Variants in SORCS3 observed in about 807,000 individuals in gnomAD.
SORCS3 encodes sortilin related VPS10 domain containing receptor 3, also known as VPS10 domain-containing receptor SorCS3.
A neutral mutation model predicts 146.3 loss-of-function variants in SORCS3; 57 were observed. The observed-to-expected ratio is 0.39, with a 90% confidence interval of 0.31 to 0.49. The LOEUF (loss-of-function observed/expected upper bound fraction) is 0.49, where lower values mean the gene tolerates loss of function less well. Among genes scored for constraint, SORCS3 ranks in the 20% least tolerant of loss-of-function variants. The pLI is 0.92. For missense variants in SORCS3, 1,341 were observed against 1,575.5 expected, an observed-to-expected ratio of 0.85 and a Z score of 2.52; for synonymous variants, 653 against 618.5, an observed-to-expected ratio of 1.06 and a Z score of -0.83.
intron 12 of SORCS3, 127 bp from the exon 13 acceptor site, chr10:105,167,131 A>G: frequency 1.5e-6 from 1 of 677,522 alleles, no homozygotes; most frequent in Non-Finnish European, 2.5e-6. Context: ...TGCAAAAACT[A>G]TCTGATAGTG....
At chr10:105,167,799 G>A (rs951656295) in intron 13 of SORCS3, among the ~76,000 whole-genome samples, 4 of 152,150 alleles carry the variant, frequency 2.6e-5, no homozygotes, top group African/African-American at 9.7e-5. Context: ...GAATGGTCTA[G>A]GCTGACACTT....
intron 7 of SORCS3, among the ~76,000 whole-genome samples, chr10:105,138,510 G>C (rs1589651436): frequency 6.6e-6 from 1 of 152,158 alleles, no homozygotes; most frequent in East Asian, 1.9e-4. Flanking sequence ...CAGCAGCCTG[G>C]TTGCTATTGT....
chr10:104,775,929 C>T (rs1186331342), intron 1 of SORCS3, among the ~76,000 whole-genome samples: 1 of 152,190 alleles, frequency 6.6e-6, no homozygotes, highest in Non-Finnish European at 1.5e-5. Context: ...GAACTTTTCC[C>T]TCCTGCCCAT....
At chr10:104,883,869 A>T (rs1035219973) in intron 2 of SORCS3, among the ~76,000 whole-genome samples, 1 of 152,228 alleles carries the variant, frequency 6.6e-6, no homozygotes, top group South Asian at 2.1e-4. Flanking sequence ...TTTGCTGTCA[A>T]ATCTGCTCAC....
At chr10:104,759,989 A>G (rs979208756) in intron 1 of SORCS3, among the ~76,000 whole-genome samples, 1 of 152,232 alleles carries the variant, frequency 6.6e-6, no homozygotes, top group African/African-American at 2.4e-5. Context: ...AGGGACAGCT[A>G]GAGATACGGG....
At chr10:105,026,775 A>T (rs1023943926) in intron 4 of SORCS3, among the ~76,000 whole-genome samples, 2 of 152,172 alleles carry the variant, frequency 1.3e-5, no homozygotes, top group African/African-American at 4.8e-5. Context: ...GGAGCTAAAC[A>T]TTGGGTACAC....
At chr10:104,860,728 A>T (rs1003298539) in intron 2 of SORCS3, among the ~76,000 whole-genome samples, 1 of 152,166 alleles carries the variant, frequency 6.6e-6, no homozygotes, top group African/African-American at 2.4e-5. Flanking sequence ...AAATAGGTAA[A>T]CACTGTTATC....
chr10:105,255,633 G>T (rs1352040102), intron 23 of SORCS3, 69 bp from the exon 24 acceptor site: 3 of 1,065,620 alleles, frequency 2.8e-6, no homozygotes, highest in Non-Finnish European at 4.3e-6. Flanking sequence ...CTTGTCCTTG[G>T]TTTCTTACCC....
chr10:104,771,997 A>G (rs2017254852), intron 1 of SORCS3, among the ~76,000 whole-genome samples: 1 of 152,074 alleles, frequency 6.6e-6, no homozygotes, highest in Non-Finnish European at 1.5e-5. Flanking sequence ...TCTCTGAGTT[A>G]GGAATGTGTA....
intron 1 of SORCS3, among the ~76,000 whole-genome samples, chr10:104,797,066 T>C (rs77283943): frequency 0.011 from 1,644 of 152,300 alleles, 41 homozygotes; most frequent in African/African-American, 0.035. Context: ...GTGGCATTCA[T>C]CCCTAATGAC....
chr10:105,201,331 GT>G, intron 16 of SORCS3, 78 bp downstream of exon 16: 2 of 1,509,714 alleles, frequency 1.3e-6, no homozygotes, highest in Non-Finnish European at 1.8e-6. Flanking sequence ...TGAAGATGAA[GT>G]TAGGAGAGGA....
intron 1 of SORCS3, among the ~76,000 whole-genome samples, chr10:104,764,855 G>A (rs916728485): frequency 1.1e-4 from 16 of 152,154 alleles, no homozygotes; most frequent in Non-Finnish European, 1.5e-5. Context: ...CTTTGGCAAC[G>A]TGGTGAAGTG....
intron 4 of SORCS3, among the ~76,000 whole-genome samples, chr10:104,978,331 T>C (rs2054913062): frequency 6.6e-6 from 1 of 152,198 alleles, no homozygotes; most frequent in Non-Finnish European, 1.5e-5. Flanking sequence ...CATTTTGTTA[T>C]TTTCTAAAAA....
intron 1 of SORCS3, among the ~76,000 whole-genome samples, chr10:104,737,314 A>G (rs1240188861): frequency 6.6e-6 from 1 of 151,910 alleles, no homozygotes; most frequent in African/African-American, 2.4e-5. Flanking sequence ...TGGCTGGGTC[A>G]AATGGTATTT....
intron 8 of SORCS3, among the ~76,000 whole-genome samples, chr10:105,140,992 C>G (rs537831546): frequency 6.6e-6 from 1 of 152,184 alleles, no homozygotes; most frequent in Non-Finnish European, 1.5e-5. Flanking sequence ...TGCCCCGTTA[C>G]AGTAACCAGA....
chr10:104,955,150 T>G (rs1420637893), intron 3 of SORCS3, among the ~76,000 whole-genome samples: 1 of 151,436 alleles, frequency 6.6e-6, no homozygotes, highest in African/African-American at 2.4e-5. Context: ...AAAGAAGCCC[T>G]GTGACCATTA....
chr10:105,125,123 C>T (rs1461301849), intron 7 of SORCS3, among the ~76,000 whole-genome samples: 9 of 152,160 alleles, frequency 5.9e-5, no homozygotes, highest in Non-Finnish European at 5.9e-5. Context: ...ACATATCTGC[C>T]ACAAGTACTT....
intron 20 of SORCS3, among the ~76,000 whole-genome samples, chr10:105,228,857 C>T (rs1357276944): frequency 1.3e-5 from 2 of 152,182 alleles, no homozygotes; most frequent in African/African-American, 4.8e-5. Flanking sequence ...CTTTTTGGAA[C>T]TATCGGAGCC....
intron 4 of SORCS3, among the ~76,000 whole-genome samples, chr10:105,036,107 G>A (rs1053546180): frequency 2.0e-5 from 3 of 152,128 alleles, no homozygotes; most frequent in South Asian, 4.1e-4. Flanking sequence ...CAAGTGAATG[G>A]TACTTTTGTA....
Sources: allele counts gnomAD v4.1 joint callset (sites outside exome capture counted in the v4.1 genomes callset), GRCh38; gene constraint gnomAD v4.1.1; transcripts MANE v1.5; gene names NCBI Gene and HGNC (gene_info 2026-07-23, HGNC 2026-07-21).